Variants in GPC6 observed in about 807,000 individuals in gnomAD.
The protein encoded by GPC6 is glypican 6.
Under a neutral mutation model 55.2 loss-of-function variants are expected in GPC6, and 14 were observed. The observed-to-expected ratio is 0.25, with a 90% confidence interval of 0.17 to 0.40. The LOEUF (loss-of-function observed/expected upper bound fraction) is 0.40. Among genes scored for constraint, GPC6 ranks in the 10% least tolerant of loss-of-function variants. The pLI is 1.00. For missense variants in GPC6, 641 were observed against 708.5 expected (o/e 0.90, Z 1.08); for synonymous variants, 278 against 259.6 (o/e 1.07, Z -0.68).
At chr13:93,523,004 A>AG (rs1333760503) in intron 1 of GPC6, among the ~76,000 whole-genome samples, 3 of 101,498 alleles carry the variant, frequency 3.0e-5, no homozygotes, top group African/African-American at 6.9e-5. Flanking sequence ...AAAAAGAAAG[A>AG]GGGAAAAAAT....
intron 2 of GPC6, among the ~76,000 whole-genome samples, chr13:93,772,308 A>G (rs1351853539): frequency 6.6e-6 from 1 of 152,116 alleles, no homozygotes; most frequent in Non-Finnish European, 1.5e-5. Flanking sequence ...ACCCTCTGTC[A>G]GGAAGGGTCA....
intron 3 of GPC6, among the ~76,000 whole-genome samples, chr13:93,865,033 G>T (rs1248675175): frequency 1.3e-5 from 2 of 151,668 alleles, no homozygotes; most frequent in Non-Finnish European, 3.0e-5. Flanking sequence ...AGGACATTAA[G>T]TGCCTCCATG....
intron 2 of GPC6, among the ~76,000 whole-genome samples, chr13:93,594,358 C>T (rs766044346): frequency 4.6e-5 from 7 of 151,914 alleles, no homozygotes; most frequent in Non-Finnish European, 1.0e-4. Flanking sequence ...TGTGTTGTTC[C>T]CCTCTATGTG....
intron 2 of GPC6, among the ~76,000 whole-genome samples, chr13:93,795,575 A>G (rs1425622857): frequency 6.6e-6 from 1 of 152,234 alleles, no homozygotes; most frequent in African/African-American, 2.4e-5. Context: ...AATTAACAAA[A>G]GGACTAGGAT....
chr13:93,812,423 C>G (rs1372214972), intron 2 of GPC6, among the ~76,000 whole-genome samples: 4 of 151,890 alleles, frequency 2.6e-5, no homozygotes, highest in Admixed American at 6.6e-5. Context: ...TAATTACACA[C>G]TAGCCCACAT....
chr13:93,895,646 GT>G (rs1226558314), intron 3 of GPC6, among the ~76,000 whole-genome samples: 1 of 151,894 alleles, frequency 6.6e-6, no homozygotes, highest in Non-Finnish European at 1.5e-5. Flanking sequence ...ACAATATCTT[GT>G]TTTTGTTATT....
intron 1 of GPC6, among the ~76,000 whole-genome samples, chr13:93,412,042 A>C (rs539892054): frequency 6.6e-6 from 1 of 151,926 alleles, no homozygotes; most frequent in African/African-American, 2.4e-5. Context: ...AATAGCCATT[A>C]TATTCTCTCC....
At chr13:94,271,378 G>GCGCGCGCA (rs1892014385) in intron 4 of GPC6, among the ~76,000 whole-genome samples, 1 of 112,744 alleles carries the variant, frequency 8.9e-6, no homozygotes, top group African/African-American at 3.3e-5. Context: ...GCGCGCGCGC[G>GCGCGCGCA]CGCGCACACA....
At chr13:93,902,516 A>G (rs537983796) in intron 3 of GPC6, among the ~76,000 whole-genome samples, 3 of 152,320 alleles carry the variant, frequency 2.0e-5, no homozygotes, top group Admixed American at 2.0e-4. Flanking sequence ...GTCACAATAA[A>G]CATGGAGGTA....
chr13:93,281,752 G>T (rs554646970), intron 1 of GPC6, among the ~76,000 whole-genome samples: 13 of 152,294 alleles, frequency 8.5e-5, no homozygotes, highest in African/African-American at 2.6e-4. Flanking sequence ...GGAGGCGGAG[G>T]TTGTGGTAAG....
At chr13:94,121,089 G>T (rs893589040) in intron 4 of GPC6, among the ~76,000 whole-genome samples, 1 of 152,084 alleles carries the variant, frequency 6.6e-6, no homozygotes, top group Non-Finnish European at 1.5e-5. Context: ...GAGAATCAAC[G>T]CTGGGTACAG....
chr13:93,681,614 G>A (rs1159711710), intron 2 of GPC6, among the ~76,000 whole-genome samples: 1 of 152,076 alleles, frequency 6.6e-6, no homozygotes, highest in African/African-American at 2.4e-5. Flanking sequence ...GGTTAAACAT[G>A]TTTCTGAAAT....
the GPC6 span, among the ~76,000 whole-genome samples, chr13:93,219,962 G>A: frequency 6.6e-6 from 1 of 152,124 alleles, no homozygotes; most frequent in Non-Finnish European, 1.5e-5. Context: ...TGCCTTCTAA[G>A]CTGATGTTGC....
At chr13:93,927,903 C>A (rs1346678651) in intron 3 of GPC6, among the ~76,000 whole-genome samples, 1 of 152,058 alleles carries the variant, frequency 6.6e-6, no homozygotes, top group African/African-American at 2.4e-5. Flanking sequence ...AATCACTAGA[C>A]TAAACTGAAA....
At chr13:93,776,594 GAAAA>G (rs1460450310) in intron 2 of GPC6, among the ~76,000 whole-genome samples, 1 of 148,498 alleles carries the variant, frequency 6.7e-6, no homozygotes, top group Admixed American at 6.7e-5. Context: ...GGTATGTTCA[GAAAA>G]AAAAAGAAAG....
At chr13:93,532,423 C>T (rs746840371) in intron 1 of GPC6, among the ~76,000 whole-genome samples, 3 of 151,908 alleles carry the variant, frequency 2.0e-5, no homozygotes, top group Non-Finnish European at 4.4e-5. Flanking sequence ...AAAATTTTAT[C>T]GGTATAAATT....
In GPC6 at chr13:93,809,973, G is replaced by A. The variant is rs565780975; in HGVS notation, c.320-20181G>A. Among the ~76,000 whole-genome samples the A allele has an allele frequency of 4.6e-5, 7 of 152,146 alleles. 1 individual carries two copies. In the South Asian group the frequency reaches 1.5e-3, roughly 32 times the overall value. On this transcript the variant is annotated intron_variant, in intron 2 of 8. Coordinates refer to ENST00000377047, the MANE Select transcript of GPC6 (RefSeq NM_005708.5). The stretch of plus-strand genomic sequence containing the variant: ...AGATCTCTTCCATGGGGAAGGACTC[G>A]GCATAGACACTAAACTGGTCTCTGA...
intron 1 of GPC6, among the ~76,000 whole-genome samples, chr13:93,255,039 G>A (rs1187080538): frequency 6.6e-6 from 1 of 152,134 alleles, no homozygotes. Flanking sequence ...CCTGTGCCTC[G>A]CCAGTTCTGT....
intron 4 of GPC6, among the ~76,000 whole-genome samples, chr13:94,131,161 A>G (rs1053372678): frequency 3.9e-5 from 6 of 152,108 alleles, no homozygotes; most frequent in African/African-American, 1.4e-4. Context: ...GTACTTAAGA[A>G]GAAACTTACC....
Sources: gnomAD v4.1 joint callset for allele counts (sites outside exome capture counted in the v4.1 genomes callset) on GRCh38, gnomAD v4.1.1 for gene constraint, MANE v1.5 for transcripts, NCBI Gene and HGNC (gene_info 2026-07-23, HGNC 2026-07-21) for gene names.